Variants in SV2B observed in about 807,000 individuals in gnomAD.
SV2B encodes the protein solute carrier family 22 member B2.
Under a neutral mutation model 73.9 loss-of-function variants are expected in SV2B, and 41 were observed. The ratio of observed to expected loss-of-function variants is 0.56; its 90% confidence interval spans 0.43 to 0.72. The LOEUF is 0.72. SV2B is among the 30% of genes least tolerant of loss of function. The pLI, the probability that SV2B is intolerant of heterozygous loss-of-function variation, is 0.00. For synonymous variants in SV2B, 314 were observed against 314.2 expected (o/e 1.00, Z 0.01); for missense variants, 764 against 857.8 (o/e 0.89, Z 1.37).
rs2049166315 is a variant in SV2B at position 91,294,849 on chromosome 15, C to T, written c.*2297C>T. The T allele has an allele frequency of 6.6e-6, 1 of 152,526 alleles. No individual in the cohort carries two copies. The highest frequency in any genetic ancestry group is 1.5e-5 in the Non-Finnish European group (1 of 68,040). 9.4% of individuals were successfully genotyped at this position (152,526 alleles called of 1,614,324 possible). On this transcript the variant is annotated 3_prime_UTR_variant, in exon 13 of 13. Coordinates refer to ENST00000394232, the MANE Select transcript of SV2B (RefSeq NM_001323032.3). The surrounding 1 kb of genome is among the most constrained non-coding windows in gnomAD (Gnocchi z 4.1). ...TATCTTTATGGCTCTTTAAACCAGCCACCTAGCCAATCAAGGGCAATTCCC... is the reference window on the plus strand; with the variant it reads ...TATCTTTATGGCTCTTTAAACCAGCTACCTAGCCAATCAAGGGCAATTCCC...
At position 91,158,681 on chromosome 15, in the gene SV2B, CT is replaced by C. The variant is rs2043585279; in HGVS notation, c.-392+58320del. Among the ~76,000 whole-genome samples, 64 of 78,174 alleles carry C rather than the reference CT, an allele frequency of 8.2e-4. 1 individual carries two copies. Among genetic ancestry groups the C allele is most frequent in the Non-Finnish European group, 1.1e-3 (43 of 37,554 alleles). The allele number at this position is 78,174 out of a possible 152,430, so 51.3% of individuals were successfully genotyped here. ...CTTCTCTTCTCTTCTCTTCTCTTCT[CT>C]TCTCTTCTCTTCTCTTCTCTCCTCT... is the stretch of plus-strand genomic sequence containing the variant. On this transcript the variant is annotated intron_variant, in intron 1 of 12. Transcript: ENST00000394232.
chr15:91,134,274 A>T (rs2042749922), intron 1 of SV2B, among the ~76,000 whole-genome samples: 1 of 152,134 alleles, frequency 6.6e-6, no homozygotes, highest in African/African-American at 2.4e-5. Flanking sequence ...CTGGGATTAC[A>T]GGCGTGAGCC....
intron 4 of SV2B, among the ~76,000 whole-genome samples, chr15:91,257,132 C>A (rs1028962381): frequency 7.9e-5 from 12 of 152,038 alleles, no homozygotes; most frequent in Admixed American, 5.9e-4. Flanking sequence ...TTTAAAAATT[C>A]TTTTGCTGAT....
chr15:91,205,128 A>G (rs1264377958), intron 1 of SV2B, among the ~76,000 whole-genome samples: 1 of 152,084 alleles, frequency 6.6e-6, no homozygotes, highest in Non-Finnish European at 1.5e-5. Context: ...CTTTTGTCTC[A>G]TTTTCTTCTA....
rs78010546 is a variant in SV2B at position 91,132,708 on chromosome 15, C to T, written c.-392+32345C>T. Among the ~76,000 whole-genome samples, 25,593 of 152,080 alleles carry T rather than the reference C, an allele frequency of 0.17. 2,708 individuals carry two copies. Among genetic ancestry groups the T allele is most frequent in the Non-Finnish European group, 0.24 (16,331 of 67,952 alleles). ...GACCCTATTTCTCCTGCCTCAGTGG[C>T]ACATGCCTGTAGTCCCAGCTACTGG... On this transcript the variant is annotated intron_variant, in intron 1 of 12. Transcript: ENST00000394232. This position sits in a 1 kb window ranked among gnomAD's most constrained non-coding sequence, Gnocchi z 4.6.
chr15:91,276,358 G>T (rs918639923), intron 9 of SV2B, among the ~76,000 whole-genome samples: 1 of 151,536 alleles, frequency 6.6e-6, no homozygotes, highest in Admixed American at 6.6e-5. Flanking sequence ...TGGTTTGATT[G>T]GTTTCATTAC....
intron 9 of SV2B, among the ~76,000 whole-genome samples, chr15:91,273,569 C>G (rs952019050): frequency 6.6e-6 from 1 of 152,164 alleles, no homozygotes; most frequent in Non-Finnish European, 1.5e-5. Flanking sequence ...TATTTTGTCT[C>G]TGAGCTCTCT....
At chr15:91,191,430 A>G (rs74741146) in intron 1 of SV2B, among the ~76,000 whole-genome samples, 6,958 of 151,982 alleles carry the variant, frequency 0.046, 200 homozygotes, top group African/African-American at 0.075. Context: ...CCCCACCTTC[A>G]TATCGAAGTA....
Position 91,226,309 on chromosome 15 carries a change from A to G in SV2B, c.46A>G (p.Ser16Gly). The stretch of plus-strand genomic sequence containing the variant: ...GGACAATTATGGGGGCTATGCTCCC[A>G]GTGATGGCTATTACCGCGGCAATGA... ...YQDNYGGYAP[S>G]DGYYRGNESN... is the part of the protein sequence containing the mutation. Residue 16 changes from serine (S) to glycine (G), a missense_variant, in exon 2 of 13, where the codon AGT becomes GGT. Coordinates refer to ENST00000394232, the MANE Select transcript of SV2B (RefSeq NM_001323032.3). 6.2e-7 allele frequency: 1 copy of G among 1,614,206 alleles called. No individual in the cohort carries two copies. Among genetic ancestry groups the G allele is most frequent in the South Asian group, 1.1e-5 (1 of 91,080 alleles).
chr15:91,149,465 A>G (rs1310488306), intron 1 of SV2B, among the ~76,000 whole-genome samples: 1 of 152,220 alleles, frequency 6.6e-6, no homozygotes, highest in African/African-American at 2.4e-5. Context: ...ACTTTATCTC[A>G]GAAGAGAAAC....
intron 1 of SV2B, among the ~76,000 whole-genome samples, chr15:91,190,622 T>C (rs2044973399): frequency 1.3e-5 from 2 of 152,248 alleles, no homozygotes; most frequent in South Asian, 4.1e-4. Flanking sequence ...GAATATTTCT[T>C]AGTTTTCAGA....
At chr15:91,171,036 C>T (rs558865020) in intron 1 of SV2B, among the ~76,000 whole-genome samples, 5 of 152,314 alleles carry the variant, frequency 3.3e-5, no homozygotes, top group East Asian at 1.9e-4. Flanking sequence ...GAGGAAACTA[C>T]GGCTCAGAGA....
At chr15:91,194,033 A>T (rs1257483580) in intron 1 of SV2B, among the ~76,000 whole-genome samples, 1 of 151,698 alleles carries the variant, frequency 6.6e-6, no homozygotes, top group Non-Finnish European at 1.5e-5. Flanking sequence ...TTTAATAGGA[A>T]CCTGGCCAGG....
Position 91,137,022 on chromosome 15 carries a change from A to G in SV2B, c.-392+36659A>G, listed in dbSNP as rs1019222343. On this transcript the variant is annotated intron_variant, in intron 1 of 12. Transcript: ENST00000394232. The surrounding 1 kb of genome is among the most constrained non-coding windows in gnomAD (Gnocchi z 4.9). ...CTGCAGGCAAAGCAAAAGCACTGGT[A>G]TGTGATTTTTAGGGAAGAGTATGAA... is the stretch of plus-strand genomic sequence containing the variant. Among the ~76,000 whole-genome samples the G allele has an allele frequency of 2.0e-5, 3 of 152,162 alleles. No individual in the cohort carries two copies. Among genetic ancestry groups the G allele is most frequent in the African/African-American group, 4.8e-5 (2 of 41,440 alleles).
rs1367003221 is a variant in SV2B at position 91,280,116 on chromosome 15, C to T, written c.1374-1612C>T. On this transcript the variant is annotated intron_variant, in intron 9 of 12. Transcript: ENST00000394232. The surrounding 1 kb of genome is among the most constrained non-coding windows in gnomAD (Gnocchi z 5.8). ...TAATAACCTCAAGTTTATTCTGATG[C>T]AAGTGGTCTGGGGTCCTGCTTTTGG... Among the ~76,000 whole-genome samples the T allele has an allele frequency of 1.3e-5, 2 of 152,186 alleles. No individual in the cohort carries two copies. Among genetic ancestry groups the T allele is most frequent in the Non-Finnish European group, 2.9e-5 (2 of 68,024 alleles).
chr15:91,247,935 T>C (rs183489437), intron 2 of SV2B, among the ~76,000 whole-genome samples: 1 of 152,338 alleles, frequency 6.6e-6, no homozygotes, highest in African/African-American at 2.4e-5. Flanking sequence ...AGCCACTTTT[T>C]TGTTAAGGAT....
intron 1 of SV2B, among the ~76,000 whole-genome samples, chr15:91,120,305 G>A (rs1231745404): frequency 2.0e-5 from 3 of 152,104 alleles, no homozygotes; most frequent in Non-Finnish European, 2.9e-5. Flanking sequence ...AGAGAGTGAG[G>A]GAGGAAGTGC....
At chr15:91,215,881 C>G (rs2046008621) in intron 1 of SV2B, among the ~76,000 whole-genome samples, 1 of 151,924 alleles carries the variant, frequency 6.6e-6, no homozygotes, top group African/African-American at 2.4e-5. Context: ...AACTAAAAAC[C>G]ATTATGAAAA....
rs2041879357 is a variant in SV2B at position 91,106,238 on chromosome 15, A to G, written c.-392+5875A>G. Among the ~76,000 whole-genome samples, 1 of 152,288 alleles carries G rather than the reference A, an allele frequency of 6.6e-6. No homozygotes were observed. Among genetic ancestry groups the G allele is most frequent in the Non-Finnish European group, 1.5e-5 (1 of 68,022 alleles). On this transcript the variant is annotated intron_variant, in intron 1 of 12. Coordinates refer to ENST00000394232, the MANE Select transcript of SV2B (RefSeq NM_001323032.3). This position sits in a 1 kb window ranked among gnomAD's most constrained non-coding sequence, Gnocchi z 4.4. ...AGTGATGGGGTTTAATTGGATATCC[A>G]ATGGGAGATGTTAAGTAGTTCATTG...
Sources: allele counts gnomAD v4.1 joint callset (sites outside exome capture counted in the v4.1 genomes callset), GRCh38; gene constraint gnomAD v4.1.1; non-coding constraint Gnocchi (gnomAD v3.1); transcripts MANE v1.5; gene names NCBI Gene and HGNC (gene_info 2026-07-23, HGNC 2026-07-21).